MAP4: variants seen among roughly 807,000 people sequenced by gnomAD.
MAP4 encodes the protein microtubule-associated protein 4.
A neutral mutation model predicts 170.2 loss-of-function variants in MAP4; 76 were observed. That is an observed-to-expected ratio of 0.45 (90% CI 0.37 to 0.54). The LOEUF is 0.54. Among genes scored for constraint, MAP4 ranks in the 20% least tolerant of loss-of-function variants. The pLI is 0.00. For missense variants in MAP4, 2,506 were observed against 2,748.0 expected (o/e 0.91, Z 1.97); for synonymous variants, 909 against 994.5 (o/e 0.91, Z 1.62).
intron 1 of MAP4, among the ~76,000 whole-genome samples, chr3:48,000,577 G>A (rs556829726): frequency 6.6e-6 from 1 of 152,148 alleles, no homozygotes; most frequent in Non-Finnish European, 1.5e-5. Flanking sequence ...AGTTGGAAAG[G>A]ATCATTTATT....
intron 1 of MAP4, among the ~76,000 whole-genome samples, chr3:48,041,066 A>G (rs1392235905): frequency 4.6e-5 from 7 of 152,172 alleles, no homozygotes; most frequent in Admixed American, 4.6e-4. Flanking sequence ...TTAAGAAAAC[A>G]ATTCTGCTTA....
intron 1 of MAP4, among the ~76,000 whole-genome samples, chr3:48,081,102 C>T (rs1055092382): frequency 7.3e-5 from 11 of 150,680 alleles, no homozygotes; most frequent in African/African-American, 2.4e-4. Flanking sequence ...CCAGCCCAGG[C>T]GACAGAGCGA....
chr3:47,877,576 A>T, intron 10 of MAP4, 53 bp from the exon 11 acceptor site: 1 of 1,234,074 alleles, frequency 8.1e-7, no homozygotes, highest in Non-Finnish European at 1.2e-6. Context: ...TTACATGCCC[A>T]TTTTGAAAAT....
intron 2 of MAP4, among the ~76,000 whole-genome samples, chr3:47,997,325 C>CAAAAAAAAAAAAA (rs1559754149): frequency 2.5e-5 from 1 of 40,710 alleles, no homozygotes. Flanking sequence ...ATTTAAACTG[C>CAAAAAAAAAAAAA]TAAAAAAAAA....
intron 3 of MAP4, among the ~76,000 whole-genome samples, chr3:47,930,120 G>C (rs985417321): frequency 6.6e-6 from 1 of 151,892 alleles, no homozygotes; most frequent in Admixed American, 6.6e-5. Context: ...AACAGAGTGA[G>C]ACTGCGTCTC....
At position 47,865,252 on chromosome 3, in the gene MAP4, A is replaced by G. The variant is rs528706584; in HGVS notation, c.6501+1994T>C. On this transcript the variant is annotated intron_variant, in intron 17 of 20. Transcript: ENST00000683076. ...TATGCACCACACAACACACACAAAT[A>G]TATCTCTATGTCTCACCTACACAAG... Among the ~76,000 whole-genome samples, 4 of 152,280 alleles carry G rather than the reference A, an allele frequency of 2.6e-5. No individual in the cohort carries two copies. The South Asian group carries it at 8.3e-4, about 32-fold the overall frequency.
At chr3:47,983,272 A>G (rs1033893551) in intron 2 of MAP4, among the ~76,000 whole-genome samples, 6 of 152,132 alleles carry the variant, frequency 3.9e-5, no homozygotes, top group Non-Finnish European at 8.8e-5. Context: ...GCAGTGGTAT[A>G]ATCACACCTC....
intron 1 of MAP4, among the ~76,000 whole-genome samples, chr3:48,045,984 C>CTTT (rs59624917): frequency 1.1e-4 from 15 of 130,844 alleles, no homozygotes; most frequent in South Asian, 2.4e-4. Context: ...TGCATCACTT[C>CTTT]TTTTTTTTTT....
chr3:48,074,720 GT>G lies in MAP4; in HGVS notation c.-20+14052del, dbSNP rs1177946408. Among the ~76,000 whole-genome samples the G allele has an allele frequency of 1.1e-4, 16 of 150,142 alleles. No individual in the cohort carries two copies. The Admixed American group carries it at 1.1e-3, about 10-fold the overall frequency. On this transcript the variant is annotated intron_variant, in intron 1 of 18. Coordinates refer to the MAP4 transcript ENST00000360240. ...TGTGTGTGTGTGTGTGTGTGTGTGTGTGTGTGATATGTCGGCCAGACTGGTC... is the reference window on the plus strand; with the variant it reads ...TGTGTGTGTGTGTGTGTGTGTGTGTGGTGTGATATGTCGGCCAGACTGGTC...
At chr3:47,884,479 T>C (rs112026978) in intron 10 of MAP4, among the ~76,000 whole-genome samples, 18 of 152,210 alleles carry the variant, frequency 1.2e-4, no homozygotes, top group Non-Finnish European at 1.5e-5. Flanking sequence ...ACCCTGTTTA[T>C]ATTTAGTCTA....
At chr3:47,877,149 T>A (rs371602657) in intron 11 of MAP4, 125 of 317,442 alleles carry the variant, frequency 3.9e-4, no homozygotes, top group African/African-American at 2.7e-3. Context: ...AGTGCTGAGA[T>A]TACAGGCATG....
chr3:48,044,621 G>C (rs966976349), intron 1 of MAP4, among the ~76,000 whole-genome samples: 2 of 151,960 alleles, frequency 1.3e-5, no homozygotes, highest in Non-Finnish European at 2.9e-5. Context: ...AAATTAGCCA[G>C]GGGTAGTGGC....
At chr3:47,938,385 A>G (rs976723181) in intron 3 of MAP4, among the ~76,000 whole-genome samples, 15 of 152,090 alleles carry the variant, frequency 9.9e-5, no homozygotes, top group Admixed American at 2.0e-4. Context: ...AAAAGAAAAA[A>G]GGGAATTGTT....
At chr3:47,863,921 GGT>G (rs747894391) in intron 17 of MAP4, among the ~76,000 whole-genome samples, 7 of 110,806 alleles carry the variant, frequency 6.3e-5, no homozygotes, top group Non-Finnish European at 5.5e-5. Context: ...TGTGGGTGTG[GGT>G]GTGTGTGTGT....
chr3:47,970,905 C>T (rs941229925), intron 3 of MAP4, among the ~76,000 whole-genome samples: 2 of 152,062 alleles, frequency 1.3e-5, no homozygotes, highest in Non-Finnish European at 1.5e-5. Flanking sequence ...AATACAAAGC[C>T]CCAAAAGAAA....
chr3:47,874,787 C>T (rs1246121343), intron 12 of MAP4, among the ~76,000 whole-genome samples: 1 of 152,220 alleles, frequency 6.6e-6, no homozygotes, highest in Admixed American at 6.5e-5. Context: ...TTTTCAGTTT[C>T]TTGGCCAGGG....
At chr3:48,038,303 T>C (rs1038885190) in intron 1 of MAP4, among the ~76,000 whole-genome samples, 3 of 152,064 alleles carry the variant, frequency 2.0e-5, no homozygotes, top group African/African-American at 7.2e-5. Flanking sequence ...GAAAAATATG[T>C]GTTTTTCTAA....
At chr3:48,067,615 A>G (rs1198645013) in intron 1 of MAP4, among the ~76,000 whole-genome samples, 1 of 149,728 alleles carries the variant, frequency 6.7e-6, no homozygotes, top group Non-Finnish European at 1.5e-5. Context: ...TACTGTCTCA[A>G]AGTTAACAAG....
chr3:47,996,215 G>A (rs149948138), intron 2 of MAP4, among the ~76,000 whole-genome samples: 2 of 152,130 alleles, frequency 1.3e-5, no homozygotes. Context: ...TGTAGCTAGG[G>A]AAAGAGTAAT....
Sources: allele counts gnomAD v4.1 joint callset (sites outside exome capture counted in the v4.1 genomes callset), GRCh38; gene constraint gnomAD v4.1.1; transcripts MANE v1.5; gene names NCBI Gene and HGNC (gene_info 2026-07-23, HGNC 2026-07-21).